TNFSF4: variants seen among roughly 807,000 people sequenced by gnomAD.
TNFSF4 encodes the protein tumor necrosis factor ligand superfamily member 4.
TNFSF4 carries 4 observed loss-of-function variants against 7.3 expected under a neutral mutation model. That is an observed-to-expected ratio of 0.55 (90% CI 0.27 to 1.25). The LOEUF (loss-of-function observed/expected upper bound fraction) is 1.25. Among genes scored for constraint, TNFSF4 ranks in the 50% most tolerant of loss-of-function variants. The probability of loss-of-function intolerance (pLI) is 0.12; values close to 1 mark genes in which losing one functional copy is unlikely to be tolerated. For synonymous variants in TNFSF4, 76 were observed against 83.7 expected (o/e 0.91, Z 0.50); for missense variants, 181 against 208.8 (o/e 0.87, Z 0.82).
chr1:173,382,098 C>T, the TNFSF4 span, among the ~76,000 whole-genome samples: 14 of 152,290 alleles, frequency 9.2e-5, no homozygotes, highest in South Asian at 2.5e-3. Context: ...ATAAATCTTG[C>T]TGCTGCTCAC....
At chr1:173,200,929 T>G (rs1016680740) in intron 1 of TNFSF4, among the ~76,000 whole-genome samples, 1 of 152,276 alleles carries the variant, frequency 6.6e-6, no homozygotes, top group Admixed American at 6.5e-5. Flanking sequence ...AGCATTTGCA[T>G]GTTATCAAGC....
chr1:173,353,892 A>C, the TNFSF4 span, among the ~76,000 whole-genome samples: 2 of 152,154 alleles, frequency 1.3e-5, no homozygotes, highest in Non-Finnish European at 2.9e-5. Flanking sequence ...TAAGAAATTC[A>C]TTAAAATGTC....
chr1:173,392,325 A>G, the TNFSF4 span, among the ~76,000 whole-genome samples: 2 of 152,096 alleles, frequency 1.3e-5, no homozygotes, highest in African/African-American at 4.8e-5. Context: ...TTCTTGCACA[A>G]CCAAACCAAG....
the TNFSF4 span, among the ~76,000 whole-genome samples, chr1:173,445,197 A>G: frequency 6.6e-5 from 10 of 152,218 alleles, no homozygotes; most frequent in Non-Finnish European, 1.3e-4. Context: ...ACAAAAAACA[A>G]CTACCTAAGG....
chr1:173,425,851 A>C, the TNFSF4 span, among the ~76,000 whole-genome samples: 1 of 152,234 alleles, frequency 6.6e-6, no homozygotes, highest in Non-Finnish European at 1.5e-5. Flanking sequence ...AAATCTCTTG[A>C]TGAATTTTTC....
chr1:173,368,208 C>G, the TNFSF4 span, among the ~76,000 whole-genome samples: 2 of 152,140 alleles, frequency 1.3e-5, no homozygotes, highest in Admixed American at 6.5e-5. Flanking sequence ...CAGCAATCCA[C>G]TCAGGTCCCC....
chr1:173,196,524 C>T (rs1649704513), intron 1 of TNFSF4, among the ~76,000 whole-genome samples: 1 of 152,164 alleles, frequency 6.6e-6, no homozygotes. Context: ...CCACTCTTCT[C>T]ATCGAGTCTA....
the TNFSF4 span, among the ~76,000 whole-genome samples, chr1:173,331,095 G>A: frequency 1.3e-5 from 2 of 152,040 alleles, no homozygotes; most frequent in African/African-American, 2.4e-5. Context: ...ATGTTGGCCA[G>A]GCTGATCTCG....
At chr1:173,357,900 T>C in the TNFSF4 span, among the ~76,000 whole-genome samples, 3 of 152,136 alleles carry the variant, frequency 2.0e-5, no homozygotes, top group Non-Finnish European at 2.9e-5. Context: ...CACTATAGTA[T>C]AGATAAGGTG....
At chr1:173,278,489 A>G in the TNFSF4 span, among the ~76,000 whole-genome samples, 13,547 of 152,112 alleles carry the variant, frequency 0.089, 703 homozygotes, top group Middle Eastern at 0.12. Context: ...TAACCCTACC[A>G]CCATCATTTA....
the TNFSF4 span, among the ~76,000 whole-genome samples, chr1:173,402,405 C>A: frequency 6.6e-6 from 1 of 152,158 alleles, no homozygotes; most frequent in Non-Finnish European, 1.5e-5. Flanking sequence ...CTGTCACAGC[C>A]CAGCTTGTGT....
chr1:173,238,946 G>A, the TNFSF4 span, among the ~76,000 whole-genome samples: 1 of 152,228 alleles, frequency 6.6e-6, no homozygotes, highest in South Asian at 2.1e-4. Flanking sequence ...ATTGGCTTTG[G>A]CATCATTCTA....
chr1:173,354,020 C>CA, the TNFSF4 span, among the ~76,000 whole-genome samples: 30,730 of 142,480 alleles, frequency 0.22, 3,363 homozygotes, highest in Middle Eastern at 0.27. Flanking sequence ...CACACACACA[C>CA]AAAAAAAAAA....
chr1:173,299,437 G>A, the TNFSF4 span, among the ~76,000 whole-genome samples: 1 of 151,816 alleles, frequency 6.6e-6, no homozygotes, highest in African/African-American at 2.4e-5. Context: ...CATCTATGAG[G>A]ATTGCATGAG....
intron 1 of TNFSF4, among the ~76,000 whole-genome samples, chr1:173,196,719 G>A (rs1009364453): frequency 6.6e-6 from 1 of 152,312 alleles, no homozygotes; most frequent in Admixed American, 6.5e-5. Flanking sequence ...AAATCTATGT[G>A]ATTGACCTAA....
At chr1:173,357,454 C>A in the TNFSF4 span, among the ~76,000 whole-genome samples, 1 of 152,166 alleles carries the variant, frequency 6.6e-6, no homozygotes, top group Non-Finnish European at 1.5e-5. Context: ...AAAGTGAGAA[C>A]CAGGAGAATT....
chr1:173,363,764 G>T, the TNFSF4 span: 1 of 180,726 alleles, frequency 5.5e-6, no homozygotes. Flanking sequence ...CCACAGGTCT[G>T]AGACATCTGG....
At chr1:173,251,471 C>T in the TNFSF4 span, among the ~76,000 whole-genome samples, 1 of 152,162 alleles carries the variant, frequency 6.6e-6, no homozygotes, top group Non-Finnish European at 1.5e-5. Flanking sequence ...GTACTCAATA[C>T]CTATTTGGTG....
the TNFSF4 span, among the ~76,000 whole-genome samples, chr1:173,392,323 C>A: frequency 6.6e-6 from 1 of 152,054 alleles, no homozygotes; most frequent in Non-Finnish European, 1.5e-5. Flanking sequence ...TCTTCTTGCA[C>A]AACCAAACCA....
Sources: allele counts gnomAD v4.1 joint callset (sites outside exome capture counted in the v4.1 genomes callset), GRCh38; gene constraint gnomAD v4.1.1; transcripts MANE v1.5; gene names NCBI Gene and HGNC (gene_info 2026-07-23, HGNC 2026-07-21).